Variants in ANKS1B observed in about 807,000 individuals in gnomAD.
The protein encoded by ANKS1B is ankyrin repeat and sterile alpha motif domain-containing protein 1B.
A neutral mutation model predicts 148.3 loss-of-function variants in ANKS1B; 36 were observed. That is an observed-to-expected ratio of 0.24 (90% CI 0.19 to 0.32). The LOEUF (loss-of-function observed/expected upper bound fraction) is 0.32, where lower values mean the gene tolerates loss of function less well. Ranked by LOEUF, ANKS1B falls within the 10% of genes least tolerant of loss-of-function variation. ANKS1B has a pLI of 1.00. For synonymous variants in ANKS1B, 542 were observed against 560.8 expected, an observed-to-expected ratio of 0.97 and a Z score of 0.47; for missense variants, 1,157 against 1,542.6, an observed-to-expected ratio of 0.75 and a Z score of 4.19.
At chr12:99,272,453 T>A (rs1308565160) in intron 12 of ANKS1B, among the ~76,000 whole-genome samples, 2 of 152,318 alleles carry the variant, frequency 1.3e-5, no homozygotes, top group South Asian at 2.1e-4. Flanking sequence ...ATCTGTCTAC[T>A]ATAACTATTT....
intron 12 of ANKS1B, among the ~76,000 whole-genome samples, chr12:99,378,732 T>A (rs543107319): frequency 8.9e-4 from 135 of 151,292 alleles, no homozygotes; most frequent in Non-Finnish European, 4.7e-4. Flanking sequence ...ATTCTAGAAC[T>A]GCTATAGGCA....
intron 12 of ANKS1B, among the ~76,000 whole-genome samples, chr12:99,299,275 G>A (rs542674473): frequency 6.6e-6 from 1 of 152,156 alleles, no homozygotes; most frequent in South Asian, 2.1e-4. Flanking sequence ...TGTCCAGGCT[G>A]GTCTTGAACT....
At chr12:99,293,449 T>C (rs2080347236) in intron 12 of ANKS1B, among the ~76,000 whole-genome samples, 1 of 152,142 alleles carries the variant, frequency 6.6e-6, no homozygotes, top group Non-Finnish European at 1.5e-5. Context: ...CGTATACCTA[T>C]GTAGCAAACC....
chr12:98,788,298 T>G (rs180945828), intron 22 of ANKS1B, among the ~76,000 whole-genome samples: 3 of 151,028 alleles, frequency 2.0e-5, no homozygotes, highest in Non-Finnish European at 2.9e-5. Flanking sequence ...GTTTTCAGTC[T>G]CAAGGAGGCA....
chr12:99,247,562 G>A (rs913994787), intron 12 of ANKS1B, among the ~76,000 whole-genome samples: 5 of 152,048 alleles, frequency 3.3e-5, no homozygotes, highest in Admixed American at 6.6e-5. Context: ...TCTCTGAAAC[G>A]GCATTAGCTA....
At chr12:99,442,277 G>A (rs2095561688) in intron 11 of ANKS1B, among the ~76,000 whole-genome samples, 2 of 151,816 alleles carry the variant, frequency 1.3e-5, no homozygotes, top group Admixed American at 1.3e-4. Context: ...GTGATTCTCT[G>A]CCTCAGCCTC....
At chr12:98,993,906 G>A (rs528959355) in intron 17 of ANKS1B, among the ~76,000 whole-genome samples, 8 of 152,224 alleles carry the variant, frequency 5.3e-5, no homozygotes, top group South Asian at 2.1e-4. Flanking sequence ...TAGTGTATTC[G>A]TTTCAGTCCT....
At chr12:99,144,756 C>G (rs1025489717) in intron 15 of ANKS1B, among the ~76,000 whole-genome samples, 1 of 151,744 alleles carries the variant, frequency 6.6e-6, no homozygotes, top group Admixed American at 6.6e-5. Flanking sequence ...TTAGGGTGGG[C>G]CCTAATCAAA....
chr12:98,748,910 T>C (rs572176296), intron 26 of ANKS1B, among the ~76,000 whole-genome samples: 11 of 152,160 alleles, frequency 7.2e-5, no homozygotes, highest in Non-Finnish European at 5.9e-5. Context: ...ATGAATACAA[T>C]AGTCTAAGAG....
chr12:99,007,758 TG>T (rs1244316129), intron 17 of ANKS1B, among the ~76,000 whole-genome samples: 2 of 152,118 alleles, frequency 1.3e-5, no homozygotes, highest in African/African-American at 4.8e-5. Context: ...CCTCCTGTTT[TG>T]GGGACTGGGA....
In ANKS1B at chr12:98,874,303, G is replaced by GA. The variant is rs550763039; in HGVS notation, c.2779-42168dup. Among the ~76,000 whole-genome samples the GA allele has an allele frequency of 7.5e-3, 1,119 of 148,262 alleles. 20 individuals are homozygous for GA. The highest frequency in any genetic ancestry group is 0.026 in the African/African-American group (1,055 of 40,536). ...AATAAGAAGCCGAGCTTTATGAAGG[G>GA]AAAAAAAAAATGGCACGCCAAATTT... On this transcript the variant is annotated intron_variant, in intron 17 of 26. Coordinates refer to ENST00000683438, the MANE Select transcript of ANKS1B (RefSeq NM_001352186.2).
intron 10 of ANKS1B, among the ~76,000 whole-genome samples, chr12:99,446,551 C>G (rs2095640985): frequency 6.6e-6 from 1 of 152,028 alleles, no homozygotes; most frequent in African/African-American, 2.4e-5. Context: ...TTCTCAGTTA[C>G]TGGCAGAAAA....
chr12:99,832,653 G>A (rs943422840), intron 1 of ANKS1B, among the ~76,000 whole-genome samples: 2 of 151,824 alleles, frequency 1.3e-5, no homozygotes, highest in Non-Finnish European at 2.9e-5. Flanking sequence ...GAACCCAGGA[G>A]GCAGAGGTTG....
At chr12:99,220,163 C>A (rs978140389) in intron 14 of ANKS1B, among the ~76,000 whole-genome samples, 1 of 152,094 alleles carries the variant, frequency 6.6e-6, no homozygotes, top group South Asian at 2.1e-4. Flanking sequence ...CCACACCCAG[C>A]TAATTTTTGT....
intron 16 of ANKS1B, among the ~76,000 whole-genome samples, chr12:99,061,107 G>T (rs2042317699): frequency 6.6e-6 from 1 of 152,166 alleles, no homozygotes; most frequent in Non-Finnish European, 1.5e-5. Context: ...ACATAATGGG[G>T]TTAAATTGGG....
At chr12:98,910,501 C>A (rs562238788) in intron 17 of ANKS1B, among the ~76,000 whole-genome samples, 36 of 152,204 alleles carry the variant, frequency 2.4e-4, no homozygotes, top group Admixed American at 3.9e-4. Context: ...GAATTAGCTT[C>A]AATGAAAAAT....
At chr12:99,064,589 A>G (rs1389476967) in intron 16 of ANKS1B, among the ~76,000 whole-genome samples, 1 of 152,242 alleles carries the variant, frequency 6.6e-6, no homozygotes, top group Non-Finnish European at 1.5e-5. Context: ...CTACAGCAAC[A>G]ACTACAAAAC....
intron 15 of ANKS1B, among the ~76,000 whole-genome samples, chr12:99,129,485 C>A (rs1456101128): frequency 6.6e-6 from 1 of 152,176 alleles, no homozygotes; most frequent in Non-Finnish European, 1.5e-5. Context: ...GAGGTGCAGT[C>A]ACAAAAGGTG....
At chr12:99,531,309 C>G (rs1200900115) in intron 9 of ANKS1B, among the ~76,000 whole-genome samples, 1 of 152,052 alleles carries the variant, frequency 6.6e-6, no homozygotes, top group Admixed American at 6.6e-5. Flanking sequence ...ATTTCAATAG[C>G]TTTAGGAATA....
Sources: allele counts gnomAD v4.1 joint callset (sites outside exome capture counted in the v4.1 genomes callset), GRCh38; gene constraint gnomAD v4.1.1; transcripts MANE v1.5; gene names NCBI Gene and HGNC (gene_info 2026-07-23, HGNC 2026-07-21).